PDE8A: variants seen among roughly 807,000 people sequenced by gnomAD.
PDE8A encodes high affinity cAMP-specific and IBMX-insensitive 3',5'-cyclic phosphodiesterase 8A.
In PDE8A, 59 loss-of-function variants were observed where a neutral mutation model predicts 105.0. The ratio of observed to expected loss-of-function variants is 0.56; its 90% CI spans 0.46 to 0.70. The LOEUF (loss-of-function observed/expected upper bound fraction) is 0.70. PDE8A is among the 30% of genes least tolerant of loss of function. PDE8A has a pLI of 0.00. For missense variants in PDE8A, 1,014 were observed against 1,045.9 expected, an observed-to-expected ratio of 0.97 and a Z score of 0.42; for synonymous variants, 355 against 371.9, an observed-to-expected ratio of 0.95 and a Z score of 0.52.
chr15:85,076,893 T>C (rs974663289), intron 5 of PDE8A, 106 bp downstream of exon 5: 41 of 816,272 alleles, frequency 5.0e-5, no homozygotes, highest in Non-Finnish European at 8.2e-5. Context: ...AGAAAAAAAA[T>C]TGTCTGGCCA....
chr15:84,996,741 G>T (rs1307207947), intron 1 of PDE8A, among the ~76,000 whole-genome samples: 1 of 137,948 alleles, frequency 7.2e-6, no homozygotes, highest in Non-Finnish European at 1.5e-5. Flanking sequence ...CAGGAAAGTC[G>T]CTTGAACCCA....
intron 19 of PDE8A, among the ~76,000 whole-genome samples, chr15:85,124,945 T>C (rs1183645842): frequency 6.6e-6 from 1 of 152,188 alleles, no homozygotes; most frequent in Non-Finnish European, 1.5e-5. Context: ...TGGGGTTACT[T>C]CTGAGAGACT....
chr15:85,025,657 A>C (rs1416912695), intron 1 of PDE8A, among the ~76,000 whole-genome samples: 1 of 152,226 alleles, frequency 6.6e-6, no homozygotes, highest in African/African-American at 2.4e-5. Context: ...GTTATTCATT[A>C]ATAGAAAAAC....
chr15:85,115,185 G>A (rs1439603821), intron 14 of PDE8A: 23 of 457,372 alleles, frequency 5.0e-5, no homozygotes, highest in Non-Finnish European at 8.8e-5. Flanking sequence ...CCTCCCGGGT[G>A]TTGACCTTGC....
chr15:85,100,201 A>C lies in PDE8A; in HGVS notation c.1036+3A>C. ...TGTTCAGTCTGACACTCATACAGGT[A>C]CGGTGCCCCGTATTTATTCTTAGAG... On this transcript the variant is annotated splice_donor_region_variant and intron_variant, in intron 11 of 21. Coordinates refer to ENST00000394553, the MANE Select transcript of PDE8A (RefSeq NM_002605.3). 6.2e-7 allele frequency: 1 copy of C among 1,610,688 alleles called. No individual in the cohort carries two copies. Among genetic ancestry groups the C allele is most frequent in the Non-Finnish European group, 8.5e-7 (1 of 1,177,348 alleles).
chr15:85,054,277 C>G (rs1433278165), intron 1 of PDE8A, among the ~76,000 whole-genome samples: 2 of 152,204 alleles, frequency 1.3e-5, no homozygotes, highest in Middle Eastern at 3.4e-3. Context: ...GTCTAAAATT[C>G]TCTTTTTTTT....
chr15:85,070,215 G>A (rs1297051015), intron 3 of PDE8A, among the ~76,000 whole-genome samples: 1 of 152,158 alleles, frequency 6.6e-6, no homozygotes, highest in Admixed American at 6.5e-5. Flanking sequence ...GCATTCACCT[G>A]TATCTCTCTG....
At position 84,982,042 on chromosome 15, in the gene PDE8A, T is replaced by TCGC. The variant is rs1270354656; in HGVS notation, c.-113_-111dup. On this transcript the variant is annotated 5_prime_UTR_variant, in exon 1 of 22. Coordinates refer to ENST00000394553, the MANE Select transcript of PDE8A (RefSeq NM_002605.3). ...GCGTTTCCTGACGCGAGATCCGCGC[T>TCGC]CGCCGCCGCCCGCCCAGGCGGCGAT... 2.1e-6 allele frequency: 1 copy of TCGC among 476,914 alleles called. No homozygotes were observed. The highest frequency in any genetic ancestry group is 2.1e-5 in the African/African-American group (1 of 48,166). The allele number at this position is 476,914 out of a possible 1,614,324, so 29.5% of individuals were successfully genotyped here. A position where few individuals can be genotyped will look rare whatever the true frequency, so the allele number is the denominator to read the frequency against.
At chr15:85,064,838 T>G (rs1236921293) in intron 2 of PDE8A, among the ~76,000 whole-genome samples, 1 of 151,248 alleles carries the variant, frequency 6.6e-6, no homozygotes, top group Non-Finnish European at 1.5e-5. Context: ...GACATGGGGG[T>G]GTGTGTGCCT....
chr15:85,017,016 C>CT (rs1177992944), intron 1 of PDE8A, among the ~76,000 whole-genome samples: 1 of 149,892 alleles, frequency 6.7e-6, no homozygotes, highest in South Asian at 2.1e-4. Flanking sequence ...AATCCCAGCA[C>CT]TTTGGGAGGC....
intron 5 of PDE8A, among the ~76,000 whole-genome samples, chr15:85,078,909 CCTTT>C (rs1230871707): frequency 6.6e-6 from 1 of 152,108 alleles, no homozygotes; most frequent in African/African-American, 2.4e-5. Context: ...TATTGTTTAA[CCTTT>C]CTTTTGGGGA....
intron 1 of PDE8A, among the ~76,000 whole-genome samples, chr15:84,997,280 G>C (rs2079995056): frequency 6.6e-6 from 1 of 151,732 alleles, no homozygotes; most frequent in Admixed American, 6.6e-5. Context: ...TGCAACCTCT[G>C]TCTCCTGGGC....
chr15:85,118,129 C>T (rs1741759391), intron 17 of PDE8A, among the ~76,000 whole-genome samples: 1 of 152,156 alleles, frequency 6.6e-6, no homozygotes, highest in Non-Finnish European at 1.5e-5. Context: ...GGTCTCACTC[C>T]AAGCCTGTAC....
rs530423798 is a variant in PDE8A, at chr15:85,052,268, C to T, written c.187-12102C>T. Among the ~76,000 whole-genome samples, 69 of 152,080 alleles carry T rather than the reference C, an allele frequency of 4.5e-4. 1 individual carries two copies. Among genetic ancestry groups the T allele is most frequent in the Admixed American group, 1.1e-3 (17 of 15,258 alleles). ...TCCAAGTCTTTGCTATTGTGAATAGCGCCGCAATAAACATATGTGTGCATG... is the reference window on the plus strand; with the variant it reads ...TCCAAGTCTTTGCTATTGTGAATAGTGCCGCAATAAACATATGTGTGCATG... On this transcript the variant is annotated intron_variant, in intron 1 of 21. Transcript: ENST00000394553.
At chr15:85,067,866 C>T (rs1198299966) in intron 3 of PDE8A, among the ~76,000 whole-genome samples, 3 of 152,008 alleles carry the variant, frequency 2.0e-5, no homozygotes, top group African/African-American at 7.2e-5. Context: ...GGTTTGTTTC[C>T]TTGGTGTTGA....
chr15:85,041,084 G>T (rs757638820), intron 1 of PDE8A, among the ~76,000 whole-genome samples: 11 of 152,158 alleles, frequency 7.2e-5, no homozygotes, highest in Non-Finnish European at 1.2e-4. Context: ...TCACTTCTGG[G>T]TTGTAGGGTA....
At chr15:85,021,536 C>A (rs2080426706) in intron 1 of PDE8A, among the ~76,000 whole-genome samples, 1 of 151,454 alleles carries the variant, frequency 6.6e-6, no homozygotes, top group East Asian at 1.9e-4. Context: ...CCAGCCTAGG[C>A]AACTGAGCAG....
At chr15:85,042,761 G>A (rs778449371) in intron 1 of PDE8A, among the ~76,000 whole-genome samples, 5 of 152,118 alleles carry the variant, frequency 3.3e-5, no homozygotes, top group Non-Finnish European at 7.4e-5. Flanking sequence ...TGTGTGGCGG[G>A]TACTGCACAG....
chr15:85,057,408 G>T (rs1268218497), intron 1 of PDE8A, among the ~76,000 whole-genome samples: 2 of 152,230 alleles, frequency 1.3e-5, no homozygotes, highest in African/African-American at 4.8e-5. Context: ...GCCCCCAGAG[G>T]TGGAGTCTAT....
Sources: allele counts gnomAD v4.1 joint callset (sites outside exome capture counted in the v4.1 genomes callset), GRCh38; gene constraint gnomAD v4.1.1; transcripts MANE v1.5; gene names NCBI Gene and HGNC (gene_info 2026-07-23, HGNC 2026-07-21).